Variants in KCNG3 observed in about 807,000 individuals in gnomAD.
The protein encoded by KCNG3 is potassium voltage-gated channel modifier subfamily G member 3, also known as voltage-gated potassium channel regulatory subunit KCNG3.
Under a neutral mutation model 29.0 loss-of-function variants are expected in KCNG3, and 15 were observed. That is an observed-to-expected ratio of 0.52 (90% CI 0.35 to 0.80). KCNG3 has a LOEUF of 0.80. KCNG3 is among the 30% of genes least tolerant of loss of function. The probability of loss-of-function intolerance (pLI) is 0.01; values close to 1 mark genes in which losing one functional copy is unlikely to be tolerated. For synonymous variants in KCNG3, 322 were observed against 248.9 expected, an observed-to-expected ratio of 1.29 and a Z score of -2.76; for missense variants, 512 against 605.7, an observed-to-expected ratio of 0.85 and a Z score of 1.62.
At chr2:42,415,551 C>T in the KCNG3 span, 1 of 152,106 alleles carries the variant, frequency 6.6e-6, no homozygotes, top group South Asian at 2.1e-4. Context: ...TGTGGCCAAC[C>T]TGTAAAAGAC....
intron 1 of KCNG3, among the ~76,000 whole-genome samples, chr2:42,469,256 A>T (rs1180372390): frequency 1.3e-5 from 2 of 151,832 alleles, no homozygotes; most frequent in Non-Finnish European, 2.9e-5. Flanking sequence ...ATCTCTACTA[A>T]AAATACAAAA....
chr2:42,454,468 T>G (rs1054498904), intron 1 of KCNG3, among the ~76,000 whole-genome samples: 1 of 152,156 alleles, frequency 6.6e-6, no homozygotes, highest in Non-Finnish European at 1.5e-5. Context: ...TCCCAGCACT[T>G]TGGGAGGCCG....
the KCNG3 span, among the ~76,000 whole-genome samples, chr2:42,431,408 A>C: frequency 1.3e-5 from 2 of 152,092 alleles, no homozygotes; most frequent in Non-Finnish European, 2.9e-5. Context: ...TGATATACAC[A>C]TTTGCATTGA....
the KCNG3 span, among the ~76,000 whole-genome samples, chr2:42,391,595 CTTTTTTTTTTTT>C: frequency 1.1e-5 from 1 of 88,104 alleles, no homozygotes; most frequent in African/African-American, 4.9e-5. Flanking sequence ...TTTTATATCT[CTTTTTTTTTTTT>C]TTTTTTTTTT....
chr2:42,460,783 A>G (rs1008379849), intron 1 of KCNG3, among the ~76,000 whole-genome samples: 4 of 152,152 alleles, frequency 2.6e-5, no homozygotes, highest in African/African-American at 9.7e-5. Flanking sequence ...CCCTAAATGG[A>G]AAGGCAAGTG....
the KCNG3 span, among the ~76,000 whole-genome samples, chr2:42,392,218 G>T: frequency 4.6e-5 from 7 of 152,112 alleles, no homozygotes; most frequent in African/African-American, 1.4e-4. Context: ...TGCATTCAGG[G>T]AAAGGGAGTT....
chr2:42,422,670 T>C, the KCNG3 span, among the ~76,000 whole-genome samples: 2 of 152,170 alleles, frequency 1.3e-5, no homozygotes, highest in Admixed American at 1.3e-4. Context: ...GTAATGGCTA[T>C]GAGGACTCCA....
At chr2:42,413,845 C>A in the KCNG3 span, 1 of 152,130 alleles carries the variant, frequency 6.6e-6, no homozygotes, top group Non-Finnish European at 1.5e-5. Flanking sequence ...GGTAACCATC[C>A]CCATGATTAA....
At chr2:42,401,147 T>A in the KCNG3 span, among the ~76,000 whole-genome samples, 1 of 149,836 alleles carries the variant, frequency 6.7e-6, no homozygotes. Context: ...ATATTATATA[T>A]ACATATTTTT....
intron 1 of KCNG3, among the ~76,000 whole-genome samples, chr2:42,460,769 C>G (rs1228345520): frequency 6.6e-6 from 1 of 152,104 alleles, no homozygotes; most frequent in Non-Finnish European, 1.5e-5. Context: ...AGTGTTTAGG[C>G]TTCCCCTAAA....
In KCNG3 at chr2:42,475,550, G is replaced by A. The variant is rs566560305; in HGVS notation, c.665+17287C>T. 8.6e-5 allele frequency among the ~76,000 whole-genome samples: 13 copies of A among 150,460 alleles called. No individual in the cohort carries two copies. In the East Asian group the frequency reaches 1.6e-3, roughly 18 times the overall value. On this transcript the variant is annotated intron_variant, in intron 1 of 1. Transcript: ENST00000306078. ...TCGCCATGTTGGCCAAGCTGGTCTC[G>A]AACTCCTGGCCTCAACTGATCTGCC... is the stretch of plus-strand genomic sequence containing the variant.
At chr2:42,461,182 CAAAAAAAAAAA>C (rs34199989) in intron 1 of KCNG3, among the ~76,000 whole-genome samples, 4 of 56,422 alleles carry the variant, frequency 7.1e-5, no homozygotes, top group Non-Finnish European at 1.0e-4. Flanking sequence ...CAAAACAAAA[CAAAAAAAAAAA>C]AAAAAAAAAA....
At chr2:42,412,146 A>G in the KCNG3 span, among the ~76,000 whole-genome samples, 2 of 152,212 alleles carry the variant, frequency 1.3e-5, no homozygotes, top group African/African-American at 4.8e-5. Flanking sequence ...AGCAGCAGTG[A>G]CAGCTTCCTG....
chr2:42,462,036 G>T (rs1673032764), intron 1 of KCNG3, among the ~76,000 whole-genome samples: 1 of 152,074 alleles, frequency 6.6e-6, no homozygotes, highest in African/African-American at 2.4e-5. Flanking sequence ...GCACTTGAAG[G>T]GGAGGATCTA....
chr2:42,478,059 A>G (rs1370612194), intron 1 of KCNG3, among the ~76,000 whole-genome samples: 1 of 152,090 alleles, frequency 6.6e-6, no homozygotes, highest in Admixed American at 6.5e-5. Context: ...GCACGTTCTC[A>G]GGCCTACTTG....
chr2:42,444,208 T>A lies in KCNG3; in HGVS notation c.1037A>T (p.His346Leu). 6.2e-7 allele frequency: 1 copy of A among 1,614,122 alleles called. No individual in the cohort carries two copies. The highest frequency in any genetic ancestry group is 8.5e-7 in the Non-Finnish European group (1 of 1,180,022). The stretch of plus-strand genomic sequence containing the variant: ...GTTGGATGTTTCCAGGTCCAGCCCA[T>A]GTTCAAGAAGCTGAGAAAGTGCACT... ...IFSALSQLLE[H>L]GLDLETSNKD... The change falls in exon 2 of 2, where the codon CAT (histidine) becomes CTT (leucine). Residue 346 changes from histidine to leucine, a missense_variant. By Grantham distance (99) the His-to-Leu change is moderately conservative. Coordinates refer to ENST00000306078, the MANE Select transcript of KCNG3 (RefSeq NM_133329.6). This position sits in a 1 kb window ranked among gnomAD's most constrained non-coding sequence, Gnocchi z 5.8.
At chr2:42,462,535 A>C (rs984121760) in intron 1 of KCNG3, among the ~76,000 whole-genome samples, 2 of 152,092 alleles carry the variant, frequency 1.3e-5, no homozygotes, top group Non-Finnish European at 2.9e-5. Context: ...TACAAAAATT[A>C]GCCGGGCGTG....
At chr2:42,492,477 CTTAA>C (rs1285929282) in intron 1 of KCNG3, among the ~76,000 whole-genome samples, 1 of 152,224 alleles carries the variant, frequency 6.6e-6, no homozygotes, top group Non-Finnish European at 1.5e-5. Context: ...TAGTTCAAGG[CTTAA>C]TTGTTGAACC....
At chr2:42,424,281 C>G in the KCNG3 span, among the ~76,000 whole-genome samples, 2 of 151,896 alleles carry the variant, frequency 1.3e-5, no homozygotes, top group African/African-American at 4.8e-5. Context: ...AGCCTGAACA[C>G]AAAAAAATGA....
Sources: gnomAD v4.1 joint callset for allele counts (sites outside exome capture counted in the v4.1 genomes callset) on GRCh38, gnomAD v4.1.1 for gene constraint, Gnocchi (gnomAD v3.1) non-coding constraint, MANE v1.5 for transcripts, NCBI Gene and HGNC (gene_info 2026-07-23, HGNC 2026-07-21) for gene names.